The following GSTCD variants were observed in gnomAD, a reference collection of about 807,000 sequenced individuals.
The protein encoded by GSTCD is glutathione S-transferase C-terminal domain-containing protein.
In GSTCD, 44 loss-of-function variants were observed where a neutral mutation model predicts 68.3. The ratio of observed to expected loss-of-function variants is 0.64; its 90% CI spans 0.51 to 0.83. GSTCD has a LOEUF of 0.83. GSTCD is among the 40% of genes least tolerant of loss of function. GSTCD has a pLI of 0.00. For synonymous variants in GSTCD, 273 were observed against 255.2 expected, an observed-to-expected ratio of 1.07 and a Z score of -0.67; for missense variants, 739 against 735.9, an observed-to-expected ratio of 1.00 and a Z score of -0.05.
chr4:105,726,489 G>A (rs1733038711), intron 3 of GSTCD, 90 bp from the exon 4 acceptor site: 2 of 760,002 alleles, frequency 2.6e-6, no homozygotes, highest in Non-Finnish European at 4.2e-6. Context: ...ACACTTAAAT[G>A]TGTGAATGTT....
chr4:105,843,739 T>C (rs1162711556), intron 11 of GSTCD, among the ~76,000 whole-genome samples: 1 of 152,216 alleles, frequency 6.6e-6, no homozygotes, highest in African/African-American at 2.4e-5. Flanking sequence ...CACTGTTGCA[T>C]TGCAGATTCA....
intron 10 of GSTCD, chr4:105,840,468 C>G: frequency 4.3e-6 from 1 of 233,676 alleles, no homozygotes; most frequent in Non-Finnish European, 8.8e-6. Context: ...AAAAAACCAA[C>G]ATTGCCACAA....
Position 105,734,603 on chromosome 4 carries a change from C to G in GSTCD, c.1240+5104C>G, listed in dbSNP as rs997064171. 2.6e-5 allele frequency among the ~76,000 whole-genome samples: 4 copies of G among 152,198 alleles called. No homozygotes were observed. In the East Asian group the frequency reaches 7.7e-4, roughly 29 times the overall value. On this transcript the variant is annotated intron_variant, in intron 5 of 11. Coordinates refer to ENST00000515279, the MANE Select transcript of GSTCD (RefSeq NM_001370181.1). Reference sequence around the variant, plus strand: ...AGCCATTCGTCTAATCTTTTTGCAACGTTTTTAGCTTCTTTGCAATGGGTT... The same window carrying G: ...AGCCATTCGTCTAATCTTTTTGCAAGGTTTTTAGCTTCTTTGCAATGGGTT...
At chr4:105,839,181 C>T (rs1189154589) in intron 10 of GSTCD, among the ~76,000 whole-genome samples, 2 of 152,090 alleles carry the variant, frequency 1.3e-5, no homozygotes, top group Non-Finnish European at 2.9e-5. Context: ...CAGCCAAAAC[C>T]ACAACATTGC....
At chr4:105,770,441 T>A (rs1403860610) in intron 5 of GSTCD, among the ~76,000 whole-genome samples, 3 of 151,988 alleles carry the variant, frequency 2.0e-5, no homozygotes, top group African/African-American at 7.3e-5. Context: ...GTTAAATAAG[T>A]ATACATGTGC....
At chr4:105,795,468 T>TGGATTAGAG (rs1382556494) in intron 5 of GSTCD, among the ~76,000 whole-genome samples, 1 of 152,124 alleles carries the variant, frequency 6.6e-6, no homozygotes, top group African/African-American at 2.4e-5. Context: ...GCAGAATCTC[T>TGGATTAGAG]AATCCAGTGT....
At chr4:105,794,829 ATCTATCTATTT>A (rs1735811023) in intron 5 of GSTCD, among the ~76,000 whole-genome samples, 1 of 100,428 alleles carries the variant, frequency 1.0e-5, no homozygotes, top group African/African-American at 9.6e-5. Flanking sequence ...GCTTTTATCT[ATCTATCTATTT>A]ATCTATCTAT....
chr4:105,760,061 G>A (rs1193229477), intron 5 of GSTCD, among the ~76,000 whole-genome samples: 3 of 151,254 alleles, frequency 2.0e-5, no homozygotes, highest in African/African-American at 2.4e-5. Context: ...CTCTACCTTC[G>A]CAATGTTTAG....
intron 5 of GSTCD, among the ~76,000 whole-genome samples, chr4:105,734,768 A>AT (rs1733396343): frequency 6.6e-6 from 1 of 151,948 alleles, no homozygotes; most frequent in South Asian, 2.1e-4. Flanking sequence ...GATTTTTAGA[A>AT]TTTTCAGCTT....
At chr4:105,732,033 G>C (rs923452922) in intron 5 of GSTCD, among the ~76,000 whole-genome samples, 2 of 152,306 alleles carry the variant, frequency 1.3e-5, no homozygotes, top group Middle Eastern at 3.4e-3. Flanking sequence ...TTGCATCCCA[G>C]GGATTAAGCC....
chr4:105,733,744 T>G (rs920147934), intron 5 of GSTCD, among the ~76,000 whole-genome samples: 2 of 152,194 alleles, frequency 1.3e-5, no homozygotes, highest in Non-Finnish European at 2.9e-5. Flanking sequence ...GTTAGCTGGT[T>G]ATTTTGCTCG....
chr4:105,773,006 A>G (rs1421589329), intron 5 of GSTCD, among the ~76,000 whole-genome samples: 1 of 152,056 alleles, frequency 6.6e-6, no homozygotes, highest in Non-Finnish European at 1.5e-5. Context: ...TTTGGTTGGT[A>G]GGCTATTAAT....
intron 5 of GSTCD, among the ~76,000 whole-genome samples, chr4:105,748,183 A>C (rs191703664): frequency 2.0e-5 from 3 of 152,100 alleles, no homozygotes; most frequent in African/African-American, 7.2e-5. Context: ...TGAACCTGGG[A>C]GGCGGAGGTT....
chr4:105,838,805 A>G (rs549966527), intron 10 of GSTCD, among the ~76,000 whole-genome samples: 1 of 152,364 alleles, frequency 6.6e-6, no homozygotes, highest in East Asian at 1.9e-4. Context: ...TTTGAGAAAA[A>G]TATATAAATA....
At chr4:105,760,425 A>G (rs1285082261) in intron 5 of GSTCD, among the ~76,000 whole-genome samples, 1 of 152,102 alleles carries the variant, frequency 6.6e-6, no homozygotes, top group Non-Finnish European at 1.5e-5. Flanking sequence ...TTTTCTCTTA[A>G]TCCTCTCTTT....
At chr4:105,840,875 A>T (rs921215815) in intron 10 of GSTCD, among the ~76,000 whole-genome samples, 2 of 152,208 alleles carry the variant, frequency 1.3e-5, no homozygotes, top group African/African-American at 4.8e-5. Context: ...GAGAGAAAGA[A>T]ATCAAGCTTC....
chr4:105,753,863 AT>A lies in GSTCD; in HGVS notation c.1240+24367del, dbSNP rs1401261020. Reference sequence around the variant, plus strand: ...CTGCAAAAAGGCATTTTCTTGAATAATTTATCTCTTGGATTACCTTTCCAGA... The same window carrying A: ...CTGCAAAAAGGCATTTTCTTGAATAATTATCTCTTGGATTACCTTTCCAGA... On this transcript the variant is annotated intron_variant, in intron 5 of 11. Transcript: ENST00000515279. 7.2e-5 allele frequency among the ~76,000 whole-genome samples: 11 copies of A among 152,068 alleles called. No individual in the cohort carries two copies. The South Asian group carries it at 2.3e-3, about 31-fold the overall frequency.
At chr4:105,749,992 G>A (rs1733951539) in intron 5 of GSTCD, among the ~76,000 whole-genome samples, 1 of 152,078 alleles carries the variant, frequency 6.6e-6, no homozygotes, top group Non-Finnish European at 1.5e-5. Context: ...CAAATAAATA[G>A]AAGTCCAATT....
At chr4:105,747,154 A>G (rs1733833113) in intron 5 of GSTCD, among the ~76,000 whole-genome samples, 1 of 152,278 alleles carries the variant, frequency 6.6e-6, no homozygotes, top group Non-Finnish European at 1.5e-5. Flanking sequence ...TTCTTGCCAG[A>G]AGGCAAGGGA....
Sources: allele counts gnomAD v4.1 joint callset (sites outside exome capture counted in the v4.1 genomes callset), GRCh38; gene constraint gnomAD v4.1.1; transcripts MANE v1.5; gene names NCBI Gene and HGNC (gene_info 2026-07-23, HGNC 2026-07-21).